SRBD1: variants seen among roughly 807,000 people sequenced by gnomAD.
SRBD1 encodes the protein S1 RNA binding domain 1, also known as S1 RNA-binding domain-containing protein 1.
SRBD1 carries 88 observed loss-of-function variants against 115.3 expected under a neutral mutation model. The ratio of observed to expected loss-of-function variants is 0.76; its 90% CI spans 0.64 to 0.91. The LOEUF (loss-of-function observed/expected upper bound fraction) is 0.91, where lower values mean the gene tolerates loss of function less well. Ranked by LOEUF, SRBD1 falls within the 40% of genes least tolerant of loss-of-function variation. The pLI is 0.00. For missense variants in SRBD1, 1,385 were observed against 1,177.4 expected (o/e 1.18, Z -2.58); for synonymous variants, 509 against 407.7 (o/e 1.25, Z -2.99).
intron 14 of SRBD1, among the ~76,000 whole-genome samples, chr2:45,540,182 A>G (rs1049516992): frequency 2.0e-5 from 3 of 152,084 alleles, no homozygotes; most frequent in African/African-American, 7.2e-5. Context: ...CTCTACTAAA[A>G]ATACAAAAAT....
intron 18 of SRBD1, among the ~76,000 whole-genome samples, chr2:45,416,394 C>A (rs943088133): frequency 1.3e-5 from 2 of 152,146 alleles, no homozygotes; most frequent in African/African-American, 4.8e-5. Context: ...AGTCACAAAT[C>A]TTCAAGTACC....
At position 45,553,741 on chromosome 2, in the gene SRBD1, G is replaced by C. The variant is rs1558474206; in HGVS notation, c.1410-11C>G. ...CTACGTGGTCTCCACCTGCAAAACAGAAAAGCCCACACTAAAACTGATGCA... is the reference window on the plus strand; with the variant it reads ...CTACGTGGTCTCCACCTGCAAAACACAAAAGCCCACACTAAAACTGATGCA... On this transcript the variant is annotated splice_polypyrimidine_tract_variant and intron_variant, in intron 10 of 20. Transcript: ENST00000263736. 6 of 1,542,784 alleles carry C rather than the reference G, an allele frequency of 3.9e-6. No homozygotes were observed. Among genetic ancestry groups the C allele is most frequent in the Non-Finnish European group, 4.4e-6 (5 of 1,144,128 alleles).
chr2:45,535,795 T>C (rs1027798698), intron 14 of SRBD1, among the ~76,000 whole-genome samples: 3 of 152,106 alleles, frequency 2.0e-5, no homozygotes, highest in Non-Finnish European at 4.4e-5. Flanking sequence ...CTGATTAGGA[T>C]TATGATATTA....
At chr2:45,443,077 T>A (rs991652683) in intron 16 of SRBD1, among the ~76,000 whole-genome samples, 1 of 152,170 alleles carries the variant, frequency 6.6e-6, no homozygotes, top group African/African-American at 2.4e-5. Flanking sequence ...TAAGTCTCCA[T>A]GGCAAGGAGT....
chr2:45,594,682 T>C (rs1313806011), intron 4 of SRBD1, among the ~76,000 whole-genome samples: 2 of 152,154 alleles, frequency 1.3e-5, no homozygotes, highest in South Asian at 2.1e-4. Context: ...TAGGAAGCCA[T>C]TGTTTTGGAT....
intron 4 of SRBD1, among the ~76,000 whole-genome samples, chr2:45,590,137 T>C (rs1231642902): frequency 6.6e-6 from 1 of 152,222 alleles, no homozygotes; most frequent in Non-Finnish European, 1.5e-5. Flanking sequence ...TCAGTAATGC[T>C]GAAATATATA....
chr2:45,592,023 C>T, intron 4 of SRBD1, among the ~76,000 whole-genome samples: 1 of 152,130 alleles, frequency 6.6e-6, no homozygotes, highest in South Asian at 2.1e-4. Flanking sequence ...ATCATGGGGG[C>T]CAGTCTCTCC....
At chr2:45,419,733 T>G in intron 17 of SRBD1, 55 bp downstream of exon 17, 2 of 1,518,142 alleles carry the variant, frequency 1.3e-6, no homozygotes, top group Admixed American at 1.7e-5. Flanking sequence ...GAGTTTGGAC[T>G]GGACAGCCAG....
At chr2:45,556,268 T>C (rs1672473089) in intron 10 of SRBD1, among the ~76,000 whole-genome samples, 1 of 152,016 alleles carries the variant, frequency 6.6e-6, no homozygotes, top group Admixed American at 6.6e-5. Flanking sequence ...AAAAAAGGCA[T>C]GAATTCAACA....
At chr2:45,433,682 T>C (rs768124554) in intron 16 of SRBD1, among the ~76,000 whole-genome samples, 10 of 152,218 alleles carry the variant, frequency 6.6e-5, no homozygotes, top group Non-Finnish European at 1.2e-4. Context: ...AAGAGGTCTT[T>C]ATATACTCCC....
Position 45,413,118 on chromosome 2 carries a change from T to C in SRBD1, c.2509A>G (p.Met837Val), listed in dbSNP as rs201884615. Residue 837 changes from methionine (M) to valine (V), a missense_variant, in exon 19 of 21, where the codon ATG (methionine) becomes GTG (valine). Physicochemically the swap from Met to Val is conservative, Grantham distance 21. Coordinates refer to ENST00000263736, the MANE Select transcript of SRBD1 (RefSeq NM_018079.5). ...CCACATGGGCCTCAGACTTACCTCA[T>C]TGCTATGTCATATGATTCTGGATGA... is the stretch of plus-strand genomic sequence containing the variant. The part of the protein sequence containing the change: ...CIHPESYDIA[M>V]RFLSSIGGTL... The C allele has an allele frequency of 1.5e-4, 236 of 1,613,518 alleles. No individual in the cohort carries two copies. The highest frequency in any genetic ancestry group is 2.7e-4 in the Admixed American group (16 of 59,908).
At chr2:45,610,807 AG>A (rs1007168890) in intron 1 of SRBD1, among the ~76,000 whole-genome samples, 26 of 152,102 alleles carry the variant, frequency 1.7e-4, no homozygotes, top group Admixed American at 3.3e-4. Flanking sequence ...GGGCGCCTGT[AG>A]CCCCAGCTAC....
intron 10 of SRBD1, among the ~76,000 whole-genome samples, chr2:45,559,174 CTT>C (rs1212648680): frequency 6.6e-6 from 1 of 152,066 alleles, no homozygotes; most frequent in Non-Finnish European, 1.5e-5. Context: ...CATATCTACT[CTT>C]GATTCCTTCC....
chr2:45,443,534 T>C (rs1452651490), intron 16 of SRBD1, among the ~76,000 whole-genome samples: 2 of 152,040 alleles, frequency 1.3e-5, no homozygotes, highest in Non-Finnish European at 2.9e-5. Flanking sequence ...GACTTCCAAA[T>C]TGAAAGGTTA....
At chr2:45,438,257 AG>A (rs1425217285) in intron 16 of SRBD1, among the ~76,000 whole-genome samples, 7 of 152,232 alleles carry the variant, frequency 4.6e-5, no homozygotes, top group Admixed American at 3.3e-4. Flanking sequence ...GATTACCAGA[AG>A]AAAATTCAAT....
At chr2:45,512,983 C>A (rs1381862839) in intron 14 of SRBD1, among the ~76,000 whole-genome samples, 1 of 152,082 alleles carries the variant, frequency 6.6e-6, no homozygotes, top group Non-Finnish European at 1.5e-5. Flanking sequence ...AATAAACACA[C>A]AAATTACCCC....
intron 16 of SRBD1, among the ~76,000 whole-genome samples, chr2:45,439,664 G>A (rs1668601772): frequency 6.6e-6 from 1 of 151,744 alleles, no homozygotes; most frequent in Admixed American, 6.6e-5. Flanking sequence ...CAAAACTGTA[G>A]ACCTTAATTC....
At chr2:45,603,042 A>G (rs1674149126) in intron 2 of SRBD1, among the ~76,000 whole-genome samples, 1 of 152,240 alleles carries the variant, frequency 6.6e-6, no homozygotes, top group African/African-American at 2.4e-5. Flanking sequence ...TGGAACTGAA[A>G]GAAACTATAA....
chr2:45,589,168 C>A (rs1673638197), intron 4 of SRBD1, among the ~76,000 whole-genome samples: 1 of 152,174 alleles, frequency 6.6e-6, no homozygotes, highest in Non-Finnish European at 1.5e-5. Flanking sequence ...TATAATCAAG[C>A]CCCTTATTTT....
Sources: gnomAD v4.1 joint callset for allele counts (sites outside exome capture counted in the v4.1 genomes callset) on GRCh38, gnomAD v4.1.1 for gene constraint, MANE v1.5 for transcripts, NCBI Gene and HGNC (gene_info 2026-07-23, HGNC 2026-07-21) for gene names.